The following TMEM132C variants were observed in gnomAD, a reference collection of about 807,000 sequenced individuals.
TMEM132C encodes protein phosphatase 1, regulatory subunit 152.
A neutral mutation model predicts 61.4 loss-of-function variants in TMEM132C; 29 were observed. The observed-to-expected ratio is 0.47, with a 90% CI of 0.35 to 0.64. TMEM132C has a LOEUF of 0.64. Ranked by LOEUF, TMEM132C falls within the 30% of genes least tolerant of loss-of-function variation. The pLI is 0.00. For missense variants in TMEM132C, 1,408 were observed against 1,476.9 expected (o/e 0.95, Z 0.76); for synonymous variants, 656 against 633.1 (o/e 1.04, Z -0.54).
chr12:128,689,108 G>A (rs192168425), intron 5 of TMEM132C, among the ~76,000 whole-genome samples: 31 of 152,090 alleles, frequency 2.0e-4, no homozygotes, highest in African/African-American at 6.3e-4. Flanking sequence ...ATGAGCCACC[G>A]TGCCCAGGCT....
At chr12:128,499,423 A>C (rs1165904007) in intron 2 of TMEM132C, among the ~76,000 whole-genome samples, 9 of 152,200 alleles carry the variant, frequency 5.9e-5, no homozygotes, top group African/African-American at 1.9e-4. Flanking sequence ...TTCCAATTCT[A>C]CCATTTTAGT....
chr12:128,291,472 G>A (rs1186114369), intron 1 of TMEM132C, among the ~76,000 whole-genome samples: 1 of 152,234 alleles, frequency 6.6e-6, no homozygotes, highest in Non-Finnish European at 1.5e-5. Flanking sequence ...TGTGAATGCA[G>A]CCGACCTGCT....
At chr12:128,333,477 G>A (rs1431351076) in intron 1 of TMEM132C, among the ~76,000 whole-genome samples, 1 of 151,634 alleles carries the variant, frequency 6.6e-6, no homozygotes. Context: ...TGAGAGTGGT[G>A]TGCTGTGTCT....
intron 1 of TMEM132C, among the ~76,000 whole-genome samples, chr12:128,341,596 AT>A (rs1353614892): frequency 6.6e-6 from 1 of 152,224 alleles, no homozygotes; most frequent in African/African-American, 2.4e-5. Flanking sequence ...ACTCTATACA[AT>A]AAACATAAAT....
At chr12:128,377,891 T>G (rs1469946806) in intron 1 of TMEM132C, among the ~76,000 whole-genome samples, 1 of 152,064 alleles carries the variant, frequency 6.6e-6, no homozygotes, top group African/African-American at 2.4e-5. Context: ...CTGGCCGAGT[T>G]TTGAGGGGAA....
At chr12:128,541,591 C>T (rs1311427261) in intron 2 of TMEM132C, among the ~76,000 whole-genome samples, 1 of 152,152 alleles carries the variant, frequency 6.6e-6, no homozygotes, top group Non-Finnish European at 1.5e-5. Context: ...GGGATGAGTA[C>T]CAGATCTTTA....
At chr12:128,321,044 CA>C (rs1226622756) in intron 1 of TMEM132C, among the ~76,000 whole-genome samples, 1 of 150,958 alleles carries the variant, frequency 6.6e-6, no homozygotes, top group Non-Finnish European at 1.5e-5. Flanking sequence ...CAGGGACTCA[CA>C]AAACCTGGCT....
intron 2 of TMEM132C, among the ~76,000 whole-genome samples, chr12:128,523,175 T>C (rs1872966027): frequency 6.6e-6 from 1 of 152,146 alleles, no homozygotes. Context: ...GAACAAATAC[T>C]GTAGGGTTCC....
intron 4 of TMEM132C, among the ~76,000 whole-genome samples, chr12:128,643,150 C>T (rs374858491): frequency 9.9e-5 from 15 of 152,270 alleles, no homozygotes; most frequent in African/African-American, 3.4e-4. Flanking sequence ...TCCCCAGAGG[C>T]TTTTATTTGT....
At chr12:128,374,693 C>G (rs1874133368) in intron 1 of TMEM132C, among the ~76,000 whole-genome samples, 1 of 150,592 alleles carries the variant, frequency 6.6e-6, no homozygotes. Flanking sequence ...GACAAATGAC[C>G]ATACAACACC....
intron 4 of TMEM132C, among the ~76,000 whole-genome samples, chr12:128,655,017 G>A (rs1164315206): frequency 1.3e-5 from 2 of 152,204 alleles, no homozygotes; most frequent in Non-Finnish European, 2.9e-5. Context: ...AGGAAATGAG[G>A]GGAATTGTTA....
intron 5 of TMEM132C, among the ~76,000 whole-genome samples, chr12:128,691,977 C>G (rs1954723454): frequency 6.7e-6 from 1 of 148,502 alleles, no homozygotes; most frequent in South Asian, 2.1e-4. Context: ...CCTGTCCACC[C>G]ATCCATTCAT....
At chr12:128,552,204 C>G (rs993607889) in intron 3 of TMEM132C, among the ~76,000 whole-genome samples, 3 of 152,226 alleles carry the variant, frequency 2.0e-5, no homozygotes, top group African/African-American at 7.2e-5. Flanking sequence ...TCAAGTTTCT[C>G]ATTAGGCATT....
At chr12:128,437,254 C>T (rs536560661) in intron 2 of TMEM132C, among the ~76,000 whole-genome samples, 1 of 152,244 alleles carries the variant, frequency 6.6e-6, no homozygotes, top group South Asian at 2.1e-4. Context: ...ATGGAACAAA[C>T]CTGCACGTTG....
rs975014093 is a variant in TMEM132C at position 128,695,834 on chromosome 12, A to G, written c.1660A>G (p.Thr554Ala). The G allele has an allele frequency of 2.3e-5, 36 of 1,542,894 alleles. No homozygotes were observed. The highest frequency in any genetic ancestry group is 3.0e-5 in the Non-Finnish European group (34 of 1,141,758). ...CTCTTTGTCCCTTCCCACAAGGCCC[A>G]CTCGTGAGAGCGAGGATGAGGACGA... The part of the protein sequence containing the change: ...RVPIVTNKRP[T>A]RESEDEDEEE... The change falls in exon 7 of 9, where the codon ACT becomes GCT. Residue 554 changes from threonine (T) to alanine (A), a missense_variant. Thr to Ala is a moderately conservative substitution (Grantham distance 58, BLOSUM62 0). Transcript: ENST00000435159.
At chr12:128,362,012 C>T (rs917831868) in intron 1 of TMEM132C, among the ~76,000 whole-genome samples, 1 of 151,974 alleles carries the variant, frequency 6.6e-6, no homozygotes, top group African/African-American at 2.4e-5. Flanking sequence ...TTGGGGGACT[C>T]GGAGTTCAGG....
chr12:128,602,659 G>A (rs949920971), intron 3 of TMEM132C, among the ~76,000 whole-genome samples: 8 of 152,306 alleles, frequency 5.3e-5, no homozygotes, highest in African/African-American at 1.9e-4. Context: ...CATTCTTCCT[G>A]CAAGAAACTG....
chr12:128,705,072 CT>C lies in TMEM132C; in HGVS notation c.2122-17del. On this transcript the variant is annotated splice_polypyrimidine_tract_variant and intron_variant, in intron 8 of 8. Coordinates refer to ENST00000435159, the MANE Select transcript of TMEM132C (RefSeq NM_001136103.3). ...AGGCATCCCCCAGGTGGTCTTCTAA[CT>C]GCCTGTGTCCCTGCAGGAGGCTGTA... The C allele has an allele frequency of 6.7e-7, 1 of 1,502,058 alleles. No individual in the cohort carries two copies. 93.0% of individuals were successfully genotyped at this position (1,502,058 alleles called of 1,614,324 possible).
At position 128,556,087 on chromosome 12, in the gene TMEM132C, G is replaced by A. The variant is rs113683888; in HGVS notation, c.1121+11984G>A. ...TGCTGGAGGCATTGGGGTGGTGGGT[G>A]GAGAGTAGGGGAGAGGAACAGTTGA... On this transcript the variant is annotated intron_variant, in intron 3 of 8. Transcript: ENST00000435159. Among the ~76,000 whole-genome samples, 218 of 152,312 alleles carry A rather than the reference G, an allele frequency of 1.4e-3. 4 individuals carry two copies. Among genetic ancestry groups the A allele is most frequent in the African/African-American group, 4.9e-3 (203 of 41,568 alleles).
Sources: gnomAD v4.1 joint callset for allele counts (sites outside exome capture counted in the v4.1 genomes callset) on GRCh38, gnomAD v4.1.1 for gene constraint, MANE v1.5 for transcripts, NCBI Gene and HGNC (gene_info 2026-07-23, HGNC 2026-07-21) for gene names.